The following UGT2A1 variants were observed in gnomAD, a reference collection of about 807,000 sequenced individuals.
The protein encoded by UGT2A1 is UDP-glucuronosyltransferase 2A1.
Under a neutral mutation model 45.4 loss-of-function variants are expected in UGT2A1, and 61 were observed. That is an observed-to-expected ratio of 1.34 (90% CI 1.09 to 1.66). The LOEUF is 1.66. Ranked by LOEUF, UGT2A1 falls within the 40% of genes most tolerant of loss-of-function variation. The pLI, the probability that UGT2A1 is intolerant of heterozygous loss-of-function variation, is 0.00. For synonymous variants in UGT2A1, 229 were observed against 196.2 expected, an observed-to-expected ratio of 1.17 and a Z score of -1.40; for missense variants, 649 against 574.3, an observed-to-expected ratio of 1.13 and a Z score of -1.33.
At chr4:69,599,637 G>C in intron 3 of UGT2A1, 1 of 416,452 alleles carries the variant, frequency 2.4e-6, no homozygotes, top group Non-Finnish European at 4.1e-6. Context: ...AGCAGGGAGG[G>C]AGAGAGAGGA....
intron 2 of UGT2A1, chr4:69,639,609 T>C (rs2109969943): frequency 1.9e-6 from 3 of 1,600,794 alleles, no homozygotes; most frequent in Middle Eastern, 1.7e-4. Context: ...GACAAACTTC[T>C]TAGGCATGGT....
At chr4:69,590,155 T>C (rs528878778) in intron 6 of UGT2A1, among the ~76,000 whole-genome samples, 51 of 152,348 alleles carry the variant, frequency 3.3e-4, no homozygotes, top group African/African-American at 1.2e-3. Context: ...CACACATCTG[T>C]ATGTTTGTGA....
At chr4:69,601,687 A>T (rs1011715329) in intron 3 of UGT2A1, among the ~76,000 whole-genome samples, 10 of 151,988 alleles carry the variant, frequency 6.6e-5, no homozygotes, top group African/African-American at 2.4e-4. Context: ...ATAACCAAGG[A>T]ATCTCACAAA....
At chr4:69,631,669 A>T (rs756795158) in intron 3 of UGT2A1, among the ~76,000 whole-genome samples, 2 of 152,168 alleles carry the variant, frequency 1.3e-5, no homozygotes, top group Non-Finnish European at 1.5e-5. Context: ...GTACATGGGC[A>T]TTTCTGGGTG....
intron 3 of UGT2A1, among the ~76,000 whole-genome samples, chr4:69,600,048 A>C (rs942958299): frequency 3.3e-5 from 5 of 152,192 alleles, no homozygotes; most frequent in African/African-American, 1.2e-4. Flanking sequence ...GAAACTTAAC[A>C]GAAAAATAAA....
intron 3 of UGT2A1, among the ~76,000 whole-genome samples, chr4:69,612,534 CAGAT>C (rs36083211): frequency 0.23 from 35,327 of 151,686 alleles, 4,301 homozygotes; most frequent in Middle Eastern, 0.31. Context: ...TGAAAAGAGA[CAGAT>C]AGACGAATGG....
At chr4:69,640,186 T>C (rs17147532) in intron 2 of UGT2A1, among the ~76,000 whole-genome samples, 19,533 of 151,868 alleles carry the variant, frequency 0.13, 1,265 homozygotes, top group South Asian at 0.22. Flanking sequence ...AGAAGTTAGG[T>C]AGACACTGGA....
At chr4:69,632,257 G>T (rs1422401052) in intron 3 of UGT2A1, among the ~76,000 whole-genome samples, 4 of 152,094 alleles carry the variant, frequency 2.6e-5, no homozygotes, top group South Asian at 2.1e-4. Context: ...AAGAGGGAAG[G>T]CATAACATGT....
chr4:69,603,137 C>G (rs892352838), intron 3 of UGT2A1, among the ~76,000 whole-genome samples: 1 of 135,410 alleles, frequency 7.4e-6, no homozygotes, highest in Non-Finnish European at 1.6e-5. Context: ...TTTCATAAAC[C>G]TTTACAATTG....
At chr4:69,641,261 AC>A (rs1216731835) in intron 2 of UGT2A1, among the ~76,000 whole-genome samples, 3 of 151,978 alleles carry the variant, frequency 2.0e-5, no homozygotes, top group Admixed American at 2.0e-4. Flanking sequence ...TTAGTGAAGA[AC>A]AATAAAATGT....
At chr4:69,603,445 G>T (rs1012043221) in intron 3 of UGT2A1, 1 of 136,930 alleles carries the variant, frequency 7.3e-6, no homozygotes, top group Non-Finnish European at 1.6e-5. Context: ...ACCAAAGGTA[G>T]ATAAAACCAC....
At chr4:69,640,384 G>C (rs1721985901) in intron 2 of UGT2A1, among the ~76,000 whole-genome samples, 1 of 151,950 alleles carries the variant, frequency 6.6e-6, no homozygotes. Flanking sequence ...TACAGAGTAA[G>C]AGCGTAGTAA....
At chr4:69,650,392 T>C (rs1434518364) in intron 1 of UGT2A1, among the ~76,000 whole-genome samples, 3 of 152,146 alleles carry the variant, frequency 2.0e-5, no homozygotes, top group African/African-American at 7.2e-5. Flanking sequence ...TAGTACATTA[T>C]AGTCAGCAAG....
chr4:69,647,249 G>T lies in UGT2A1; in HGVS notation c.396C>A (p.Asn132Lys). Residue 132 changes from asparagine (N) to lysine (K), a missense_variant, in exon 2 of 7, where the codon AAC becomes AAA. Physicochemically the swap from Asn to Lys is moderately conservative, Grantham distance 94. Coordinates refer to ENST00000286604, the MANE Select transcript of UGT2A1 (RefSeq NM_001252275.3). Reference sequence around the variant, plus strand: ...TCTTTAGCTTTGCCATCAGCTGTTGGTTTTTAAGAACGCCATCACAGATCT... The same window carrying T: ...TCTTTAGCTTTGCCATCAGCTGTTGTTTTTTAAGAACGCCATCACAGATCT... ...SQEICDGVLK[N>K]QQLMAKLKKS... 1 of 1,613,340 alleles carries T rather than the reference G, an allele frequency of 6.2e-7. No homozygotes were observed. The highest frequency in any genetic ancestry group is 8.5e-7 in the Non-Finnish European group (1 of 1,179,494).
chr4:69,600,994 A>T (rs950259860), intron 3 of UGT2A1, among the ~76,000 whole-genome samples: 5 of 152,062 alleles, frequency 3.3e-5, no homozygotes, highest in African/African-American at 1.2e-4. Context: ...GATCTAAACC[A>T]TCTCAGTGGG....
chr4:69,637,612 G>T (rs532448332), intron 2 of UGT2A1, among the ~76,000 whole-genome samples: 2 of 152,060 alleles, frequency 1.3e-5, no homozygotes, highest in African/African-American at 2.4e-5. Context: ...TTCTCTGCCT[G>T]CTCTATTTAA....
chr4:69,618,960 T>G lies in UGT2A1; in HGVS notation c.847+16731A>C, dbSNP rs186106581. ...AAGACAAAGATGTTGTTTAACATAC[T>G]TTAAATTAATGTTGAATTTTATAAT... On this transcript the variant is annotated intron_variant, in intron 3 of 6. Coordinates refer to ENST00000286604, the MANE Select transcript of UGT2A1 (RefSeq NM_001252275.3). 3.8e-3 allele frequency among the ~76,000 whole-genome samples: 579 copies of G among 152,048 alleles called. 1 individual carries two copies. Among genetic ancestry groups the G allele is most frequent in the Middle Eastern group, 0.014 (4 of 294 alleles).
intron 3 of UGT2A1, among the ~76,000 whole-genome samples, chr4:69,622,647 C>T (rs1482793012): frequency 2.0e-5 from 3 of 151,566 alleles, no homozygotes; most frequent in Non-Finnish European, 4.4e-5. Flanking sequence ...GGTCTCGAGG[C>T]TCAAAGGTGA....
At chr4:69,644,633 A>C (rs1465493794) in intron 2 of UGT2A1, among the ~76,000 whole-genome samples, 2 of 151,712 alleles carry the variant, frequency 1.3e-5, no homozygotes, top group African/African-American at 4.8e-5. Flanking sequence ...GGACACTTGA[A>C]GGTTTATCTA....
Sources: allele counts gnomAD v4.1 joint callset (sites outside exome capture counted in the v4.1 genomes callset), GRCh38; gene constraint gnomAD v4.1.1; transcripts MANE v1.5; gene names NCBI Gene and HGNC (gene_info 2026-07-23, HGNC 2026-07-21).